Variants in REXO2 observed in about 807,000 individuals in gnomAD.
REXO2 encodes the protein RNA exonuclease 2, also known as oligoribonuclease, mitochondrial.
In REXO2, 17 loss-of-function variants were observed where a neutral mutation model predicts 30.9. The observed-to-expected ratio is 0.55, with a 90% CI of 0.38 to 0.82. REXO2 has a LOEUF of 0.82. Ranked by LOEUF, REXO2 falls within the 40% of genes least tolerant of loss-of-function variation. The pLI, the probability that REXO2 is intolerant of heterozygous loss-of-function variation, is 0.00. For missense variants in REXO2, 253 were observed against 293.2 expected (o/e 0.86, Z 1.00); for synonymous variants, 105 against 99.6 (o/e 1.05, Z -0.32).
chr11:114,445,933 A>G (rs1358363069), intron 4 of REXO2, 46 bp from the exon 5 acceptor site: 2 of 1,018,714 alleles, frequency 2.0e-6, no homozygotes, highest in Admixed American at 1.8e-5. Context: ...ATCCTGTTGT[A>G]TAATACTAGA....
intron 1 of REXO2, among the ~76,000 whole-genome samples, chr11:114,440,403 T>G (rs762676206): frequency 3.3e-5 from 5 of 152,238 alleles, no homozygotes; most frequent in Non-Finnish European, 7.3e-5. Context: ...CACTCAGTTT[T>G]ACTTACTTTG....
At chr11:114,447,955 T>A in intron 6 of REXO2, 76 bp downstream of exon 6, 1 of 1,118,172 alleles carries the variant, frequency 8.9e-7, no homozygotes, top group Non-Finnish European at 1.3e-6. Flanking sequence ...CTTGAAATAA[T>A]GTCCCTTAAC....
chr11:114,441,438 A>T (rs1000622071), intron 2 of REXO2, among the ~76,000 whole-genome samples: 1 of 152,232 alleles, frequency 6.6e-6, no homozygotes, highest in Non-Finnish European at 1.5e-5. Flanking sequence ...AGGTTTTTGC[A>T]TGCTACTTCC....
intron 2 of REXO2, 22 bp downstream of exon 2, chr11:114,440,761 A>G (rs1159199959): frequency 2.6e-6 from 4 of 1,536,674 alleles, no homozygotes; most frequent in Non-Finnish European, 3.6e-6. Flanking sequence ...CATGTAATAC[A>G]GTCATACTTT....
chr11:114,445,172 C>T (rs151257764), intron 4 of REXO2: 3 of 152,172 alleles, frequency 2.0e-5, no homozygotes, highest in Admixed American at 1.3e-4. Context: ...GTTTTTGAAC[C>T]AGGATTCAGT....
intron 1 of REXO2, chr11:114,440,131 A>G: frequency 2.2e-6 from 1 of 463,990 alleles, no homozygotes; most frequent in South Asian, 1.5e-5. Context: ...CACAGAAAGG[A>G]TTCAACTCAT....
At chr11:114,448,621 A>G (rs1172805671) in intron 6 of REXO2, among the ~76,000 whole-genome samples, 1 of 152,224 alleles carries the variant, frequency 6.6e-6, no homozygotes, top group African/African-American at 2.4e-5. Context: ...TTTTGATTTC[A>G]GAATTTTTCA....
chr11:114,441,968 T>G (rs1372554907), intron 2 of REXO2: 2 of 565,608 alleles, frequency 3.5e-6, no homozygotes, highest in Non-Finnish European at 6.2e-6. Context: ...GTGTCTTTAT[T>G]TTACCAGTCT....
intron 2 of REXO2, chr11:114,441,732 T>C (rs1946479586): frequency 1.4e-6 from 1 of 702,298 alleles, no homozygotes. Flanking sequence ...CTTTTGTTTG[T>C]TTTGCTGTGT....
At position 114,443,883 on chromosome 11, in the gene REXO2, G is replaced by C. The variant is rs781340317; in HGVS notation, c.259G>C (p.Asp87His). Residue 87 changes from aspartate to histidine, a missense_variant, in exon 3 of 7, where the codon GAT becomes CAT. Asp to His is a moderately conservative substitution (Grantham distance 81, BLOSUM62 -1). Coordinates refer to ENST00000265881, the MANE Select transcript of REXO2 (RefSeq NM_015523.4). ...TCCTAACCTGATTATAAAACAACCA[G>C]ATGAGTTGCTGGACAGCATGTCAGA... The part of the protein sequence containing the change: ...EGPNLIIKQP[D>H]ELLDSMSDWC... 3 of 1,609,344 alleles carry C rather than the reference G, an allele frequency of 1.9e-6. No individual in the cohort carries two copies. Among genetic ancestry groups the C allele is most frequent in the Non-Finnish European group, 1.7e-6 (2 of 1,177,892 alleles).
At chr11:114,447,800 GA>G in intron 5 of REXO2, 25 bp from the exon 6 acceptor site, 1 of 1,598,332 alleles carries the variant, frequency 6.3e-7, no homozygotes, top group South Asian at 1.1e-5. Context: ...AGCTTCCTTT[GA>G]GAGTTCCATT....
chr11:114,443,370 G>A (rs1218648252), intron 2 of REXO2, among the ~76,000 whole-genome samples: 3 of 151,224 alleles, frequency 2.0e-5, no homozygotes, highest in Admixed American at 1.3e-4. Flanking sequence ...CTCCCACCTC[G>A]GCCTCCCAGA....
Position 114,445,986 on chromosome 11 carries a change from A to G in REXO2, c.429A>G (p.Ser143=). The G allele has an allele frequency of 2.5e-6, 4 of 1,574,202 alleles. No homozygotes were observed. Among genetic ancestry groups the G allele is most frequent in the Non-Finnish European group, 2.6e-6 (3 of 1,144,130 alleles). Residue 143 remains serine, a synonymous_variant, in exon 5 of 7, where the codon TCA becomes TCG. Transcript: ENST00000265881. ...PPGLCPLAGN[S]VHEDKKFLDK... is the part of the protein sequence containing the mutation. Reference sequence around the variant, plus strand: ...TGCTTCGTGTCTTTCTAGGAAATTCAGTTCATGAAGATAAGAAGTTTCTTG... The same window carrying G: ...TGCTTCGTGTCTTTCTAGGAAATTCGGTTCATGAAGATAAGAAGTTTCTTG...
chr11:114,449,778 G>A (rs1946533824), intron 6 of REXO2, 68 bp from the exon 7 acceptor site: 3 of 1,493,580 alleles, frequency 2.0e-6, no homozygotes, highest in South Asian at 1.3e-5. Flanking sequence ...TTTAAAAGTT[G>A]TACTTTTAAA....
rs754579948 is a variant in REXO2, at chr11:114,439,652, C to T, written c.124C>T (p.Arg42Trp). 1.3e-6 allele frequency: 2 copies of T among 1,579,030 alleles called. No homozygotes were observed. Among genetic ancestry groups the T allele is most frequent in the Non-Finnish European group, 1.7e-6 (2 of 1,165,640 alleles). The change falls in exon 1 of 7, where the codon CGG (arginine) becomes TGG (tryptophan). Residue 42 changes from arginine (R) to tryptophan (W), a missense_variant. Physicochemically the swap from Arg to Trp is moderately radical, Grantham distance 101. Coordinates refer to ENST00000265881, the MANE Select transcript of REXO2 (RefSeq NM_015523.4). ...GGCGGCAGGGGAGAGCATGGCTCAG[C>T]GGATGGTCTGGGTGGACCTGGAGGT... ...AMAAGESMAQ[R>W]MVWVDLEMTG...
At chr11:114,448,455 C>G (rs1173128358) in intron 6 of REXO2, among the ~76,000 whole-genome samples, 1 of 152,186 alleles carries the variant, frequency 6.6e-6, no homozygotes, top group Non-Finnish European at 1.5e-5. Flanking sequence ...AAACCATTTA[C>G]TGAACCCCTA....
intron 1 of REXO2, 105 bp from the exon 2 acceptor site, chr11:114,440,551 G>A (rs1946469623): frequency 2.4e-6 from 2 of 829,954 alleles, no homozygotes; most frequent in African/African-American, 1.7e-5. Context: ...TTCGGCTATG[G>A]ATTACAAGCT....
chr11:114,445,336 A>G (rs562304737), intron 4 of REXO2: 1 of 152,346 alleles, frequency 6.6e-6, no homozygotes, highest in Non-Finnish European at 1.5e-5. Context: ...AGGGAAGTTA[A>G]TGTTTCTCTG....
chr11:114,447,720 C>G, intron 5 of REXO2, 106 bp from the exon 6 acceptor site: 1 of 880,742 alleles, frequency 1.1e-6, no homozygotes, highest in East Asian at 2.6e-5. Context: ...ACTTGAGAAT[C>G]ATGACTCAAA....
Sources: allele counts gnomAD v4.1 joint callset (sites outside exome capture counted in the v4.1 genomes callset), GRCh38; gene constraint gnomAD v4.1.1; transcripts MANE v1.5; gene names NCBI Gene and HGNC (gene_info 2026-07-23, HGNC 2026-07-21).